Variants in RBFOX3 observed in about 807,000 individuals in gnomAD.
RBFOX3 encodes the protein RNA binding fox-1 homolog 3.
In RBFOX3, 17 loss-of-function variants were observed where a neutral mutation model predicts 48.7. The observed-to-expected ratio is 0.35, with a 90% confidence interval of 0.24 to 0.52. The LOEUF is 0.52. RBFOX3 is among the 20% of genes least tolerant of loss of function. The pLI is 0.94. For missense variants in RBFOX3, 382 were observed against 497.5 expected (o/e 0.77, Z 2.21); for synonymous variants, 212 against 209.5 (o/e 1.01, Z -0.10).
chr17:79,331,391 T>C (rs1159709456), intron 2 of RBFOX3, among the ~76,000 whole-genome samples: 1 of 152,146 alleles, frequency 6.6e-6, no homozygotes, highest in Non-Finnish European at 1.5e-5. Context: ...ACAAGCCCCT[T>C]CCTGCCTCCA....
At chr17:79,438,728 A>C (rs1555732711) in intron 2 of RBFOX3, among the ~76,000 whole-genome samples, 1 of 152,220 alleles carries the variant, frequency 6.6e-6, no homozygotes, top group African/African-American at 2.4e-5. Flanking sequence ...TCAGTTCCCG[A>C]GGGCACTCAC....
At chr17:79,637,993 C>G in the RBFOX3 span, among the ~76,000 whole-genome samples, 3,895 of 152,046 alleles carry the variant, frequency 0.026, 177 homozygotes, top group African/African-American at 0.086. Flanking sequence ...CTTGAGCAAC[C>G]ATTGGACAAA....
chr17:79,151,245 G>A (rs867932956), intron 4 of RBFOX3, among the ~76,000 whole-genome samples: 3 of 151,688 alleles, frequency 2.0e-5, no homozygotes, highest in Middle Eastern at 6.8e-3. Context: ...AGAAGAAAAA[G>A]ACACACAGTC....
intron 1 of RBFOX3, among the ~76,000 whole-genome samples, chr17:79,511,973 G>GTGCA (rs2084340104): frequency 5.8e-5 from 8 of 137,232 alleles, no homozygotes; most frequent in African/African-American, 2.2e-4. Context: ...ACACCCACCC[G>GTGCA]GATACATGTT....
intron 1 of RBFOX3, among the ~76,000 whole-genome samples, chr17:79,603,346 C>T (rs1402417849): frequency 6.6e-5 from 10 of 152,118 alleles, no homozygotes; most frequent in East Asian, 1.9e-4. Context: ...GAGAGCACAC[C>T]GGGCCCATTG....
chr17:79,205,630 T>C lies in RBFOX3; in HGVS notation c.-34+30136A>G, dbSNP rs183307083. ...CCATCCTATCCTTGTTCAATTCACC[T>C]ACAAAACAGAACCCTACAAAAACCA... is the stretch of plus-strand genomic sequence containing the variant. On this transcript the variant is annotated intron_variant, in intron 4 of 14. Transcript: ENST00000693108. The surrounding 1 kb of genome is among the most constrained non-coding windows in gnomAD (Gnocchi z 4.5). 6.6e-6 allele frequency among the ~76,000 whole-genome samples: 1 copy of C among 152,270 alleles called. No individual in the cohort carries two copies. Among genetic ancestry groups the C allele is most frequent in the East Asian group, 1.9e-4 (1 of 5,188 alleles).
intron 2 of RBFOX3, among the ~76,000 whole-genome samples, chr17:79,461,875 T>C (rs2075414227): frequency 6.6e-6 from 1 of 152,208 alleles, no homozygotes; most frequent in South Asian, 2.1e-4. Flanking sequence ...AGGAACGCCA[T>C]GGGTGGCCAG....
At chr17:79,149,678 C>A (rs1599680634) in intron 4 of RBFOX3, among the ~76,000 whole-genome samples, 1 of 151,856 alleles carries the variant, frequency 6.6e-6, no homozygotes, top group African/African-American at 2.4e-5. Flanking sequence ...GGGCTCATGC[C>A]CGCCCGCTCA....
In RBFOX3 at chr17:79,481,403, T is replaced by C. The variant is rs1405950746; in HGVS notation, c.-175+1051A>G. Among the ~76,000 whole-genome samples the C allele has an allele frequency of 6.6e-6, 1 of 152,158 alleles. No individual in the cohort carries two copies. The highest frequency in any genetic ancestry group is 1.5e-5 in the Non-Finnish European group (1 of 68,040). ...AATTCACCTGGTGTCTGTCCCTGGT[T>C]CCTGGGAGGTGATCTCTAAAACTGC... On this transcript the variant is annotated intron_variant, in intron 2 of 14. Coordinates refer to ENST00000693108, the MANE Select transcript of RBFOX3 (RefSeq NM_001350451.2). The surrounding 1 kb of genome is among the most constrained non-coding windows in gnomAD (Gnocchi z 5.4).
chr17:79,463,438 CGCCACT>C (rs2075781210), intron 2 of RBFOX3, among the ~76,000 whole-genome samples: 2 of 140,414 alleles, frequency 1.4e-5, no homozygotes, highest in African/African-American at 5.4e-5. Context: ...CCACCGCCAT[CGCCACT>C]GCCACCTCCA....
In RBFOX3 at chr17:79,115,514, C is replaced by T. The variant is rs557599713; in HGVS notation, c.202G>A (p.Ala68Thr). The change falls in exon 5 of 15, where the codon GCC becomes ACC. Residue 68 changes from alanine to threonine, a missense_variant. Ala to Thr is a moderately conservative substitution (Grantham distance 58). This residue lies in a region of RBFOX3 where 118 missense variants were observed against 132.1 expected (regional missense o/e 0.89). Coordinates refer to ENST00000693108, the MANE Select transcript of RBFOX3 (RefSeq NM_001350451.2). ...CTTACCGGCACTGTCTGGGTCCCGG[C>T]GATGGGCTGTGTGCTGGCCTCGGAG... The part of the protein sequence containing the change: ...PGSEASTQPI[A>T]GTQTVPQTDE... The T allele has an allele frequency of 6.7e-6, 9 of 1,337,380 alleles. No individual in the cohort carries two copies. The highest frequency in any genetic ancestry group is 6.4e-5 in the South Asian group (3 of 46,844). The allele number at this position is 1,337,380 out of a possible 1,614,324, so 82.8% of individuals were successfully genotyped here. A position where few individuals can be genotyped will look rare whatever the true frequency, so the allele number is the denominator to read the frequency against.
In RBFOX3 at chr17:79,534,411, G is replaced by A. The variant is rs370669599; in HGVS notation, c.-319-51813C>T. On this transcript the variant is annotated intron_variant, in intron 1 of 14. Transcript: ENST00000693108. ...GCTCAGGAGTGGCTCAGAGGGAGGT[G>A]GGAGAGGTTAGAATCCGAATCCAAG... Among the ~76,000 whole-genome samples the A allele has an allele frequency of 6.1e-4, 93 of 152,348 alleles. No individual in the cohort carries two copies. In the East Asian group the frequency reaches 7.0e-3, roughly 11 times the overall value.
chr17:79,141,409 G>A (rs188850173), intron 4 of RBFOX3, among the ~76,000 whole-genome samples: 3 of 152,328 alleles, frequency 2.0e-5, no homozygotes, highest in Admixed American at 6.5e-5. Flanking sequence ...GCCCTGCCTA[G>A]GGCTCCGGGA....
chr17:79,184,085 G>C (rs1023640358), intron 4 of RBFOX3, among the ~76,000 whole-genome samples: 3 of 149,948 alleles, frequency 2.0e-5, no homozygotes, highest in African/African-American at 7.4e-5. Context: ...CCTAAGGGAG[G>C]CCGGCTCAGT....
intron 4 of RBFOX3, among the ~76,000 whole-genome samples, chr17:79,175,585 GAC>G (rs562309763): frequency 6.6e-6 from 1 of 152,352 alleles, no homozygotes; most frequent in South Asian, 2.1e-4. Context: ...GGGCCTGGCA[GAC>G]ACACTGCCTA....
chr17:79,220,635 T>C lies in RBFOX3; in HGVS notation c.-34+15131A>G, dbSNP rs2059616099. On this transcript the variant is annotated intron_variant, in intron 4 of 14. Transcript: ENST00000693108. This position sits in a 1 kb window ranked among gnomAD's most constrained non-coding sequence, Gnocchi z 5.9. ...TGTGTGTCGGGGGGACACAAAACCTTCCAGCCTAGCAGATCTCACGGATAC... is the reference window on the plus strand; with the variant it reads ...TGTGTGTCGGGGGGACACAAAACCTCCCAGCCTAGCAGATCTCACGGATAC... Among the ~76,000 whole-genome samples the C allele has an allele frequency of 6.6e-6, 1 of 151,792 alleles. No homozygotes were observed. Among genetic ancestry groups the C allele is most frequent in the Admixed American group, 6.6e-5 (1 of 15,242 alleles).
intron 1 of RBFOX3, among the ~76,000 whole-genome samples, chr17:79,546,046 T>C (rs2090385749): frequency 6.6e-6 from 1 of 152,262 alleles, no homozygotes; most frequent in Non-Finnish European, 1.5e-5. Context: ...GATATGTGGA[T>C]ACCTCTCGCA....
At chr17:79,136,979 C>G (rs897721369) in intron 4 of RBFOX3, among the ~76,000 whole-genome samples, 64 of 152,270 alleles carry the variant, frequency 4.2e-4, no homozygotes, top group African/African-American at 1.5e-3. Context: ...TCCTGGGATT[C>G]TGCACATTCA....
intron 1 of RBFOX3, among the ~76,000 whole-genome samples, chr17:79,551,662 C>A (rs2091172739): frequency 6.6e-6 from 1 of 152,048 alleles, no homozygotes; most frequent in Non-Finnish European, 1.5e-5. Context: ...TTGGTGCCAA[C>A]CTCCTGGTAA....
Sources: allele counts gnomAD v4.1 joint callset (sites outside exome capture counted in the v4.1 genomes callset), GRCh38; gene constraint gnomAD v4.1.1; regional missense constraint gnomAD v4.1.1; non-coding constraint Gnocchi (gnomAD v3.1); transcripts MANE v1.5; gene names NCBI Gene and HGNC (gene_info 2026-07-23, HGNC 2026-07-21).